The following CNTN4 variants were observed in gnomAD, a reference collection of about 807,000 sequenced individuals.
The protein encoded by CNTN4 is contactin 4, also known as contactin-4.
Under a neutral mutation model 122.5 loss-of-function variants are expected in CNTN4, and 77 were observed. The ratio of observed to expected loss-of-function variants is 0.63; its 90% confidence interval spans 0.52 to 0.76. CNTN4 has a LOEUF of 0.76. Among genes scored for constraint, CNTN4 ranks in the 30% least tolerant of loss-of-function variants. The pLI, the probability that CNTN4 is intolerant of heterozygous loss-of-function variation, is 0.00. For missense variants in CNTN4, 1,256 were observed against 1,259.1 expected (o/e 1.00, Z 0.04); for synonymous variants, 512 against 447.0 (o/e 1.15, Z -1.83).
intron 3 of CNTN4, among the ~76,000 whole-genome samples, chr3:2,408,836 A>G (rs1286355608): frequency 2.0e-5 from 3 of 152,176 alleles, no homozygotes; most frequent in African/African-American, 7.2e-5. Context: ...TTTTAGAACA[A>G]TCTTCTCATT....
intron 3 of CNTN4, among the ~76,000 whole-genome samples, chr3:2,494,355 AG>A (rs2076396933): frequency 6.6e-6 from 1 of 152,184 alleles, no homozygotes; most frequent in Non-Finnish European, 1.5e-5. Flanking sequence ...AGCATGTGGC[AG>A]GGGGCTTACA....
intron 3 of CNTN4, among the ~76,000 whole-genome samples, chr3:2,406,417 TTCTTCATCGTA>T (rs1559525040): frequency 6.6e-6 from 1 of 152,208 alleles, no homozygotes; most frequent in Non-Finnish European, 1.5e-5. Flanking sequence ...CTTAGCATCA[TTCTTCATCGTA>T]TCTTCATATC....
chr3:2,662,334 G>A (rs1350569710), intron 4 of CNTN4, among the ~76,000 whole-genome samples: 1 of 152,198 alleles, frequency 6.6e-6, no homozygotes, highest in African/African-American at 2.4e-5. Flanking sequence ...ATGGAGGAGA[G>A]TGGCAGCAAC....
At chr3:2,478,762 C>G (rs547371228) in intron 3 of CNTN4, among the ~76,000 whole-genome samples, 106 of 152,290 alleles carry the variant, frequency 7.0e-4, no homozygotes, top group African/African-American at 2.5e-3. Flanking sequence ...AGGACATGAT[C>G]TCATTCTTTT....
chr3:2,392,974 C>G (rs1487913662), intron 3 of CNTN4, among the ~76,000 whole-genome samples: 3 of 152,098 alleles, frequency 2.0e-5, no homozygotes, highest in Non-Finnish European at 2.9e-5. Context: ...AACAAAGTAC[C>G]ACAAACTGAG....
chr3:2,620,706 C>T (rs1288940504), intron 4 of CNTN4, among the ~76,000 whole-genome samples: 5 of 152,054 alleles, frequency 3.3e-5, no homozygotes, highest in South Asian at 2.1e-4. Context: ...TCCTTGTGTG[C>T]GGAATAAATC....
At chr3:2,634,930 T>G (rs1338822585) in intron 4 of CNTN4, among the ~76,000 whole-genome samples, 1 of 151,916 alleles carries the variant, frequency 6.6e-6, no homozygotes, top group African/African-American at 2.4e-5. Context: ...AAAAAAGAAA[T>G]CCAGTATTGG....
chr3:2,595,258 A>G (rs1002478386), intron 4 of CNTN4, among the ~76,000 whole-genome samples: 1 of 152,172 alleles, frequency 6.6e-6, no homozygotes, highest in African/African-American at 2.4e-5. Context: ...TGGTAAAATA[A>G]TTTGATATTG....
intron 3 of CNTN4, among the ~76,000 whole-genome samples, chr3:2,433,511 A>T (rs919856417): frequency 4.6e-5 from 7 of 152,020 alleles, no homozygotes; most frequent in Non-Finnish European, 8.8e-5. Context: ...AGTTTCATAT[A>T]TATTTTGGAT....
At position 2,925,689 on chromosome 3, in the gene CNTN4, G is replaced by A. The variant is rs1449896729; in HGVS notation, c.1268G>A (p.Gly423Asp). The change falls in exon 13 of 25, where the codon GGT becomes GAT. Residue 423 changes from glycine to aspartate, a missense_variant. By Grantham distance (94) the Gly-to-Asp change is moderately conservative. Transcript: ENST00000418658. Reference sequence around the variant, plus strand: ...AGAGTAACTCTTGTCAAAGTGGGAGGTGAAGTTGTCATTGAGTGTAAGCCA... The same window carrying A: ...AGAGTAACTCTTGTCAAAGTGGGAGATGAAGTTGTCATTGAGTGTAAGCCA... Reference protein sequence around the residue: ...LKRVTLVKVGGEVVIECKPKA... With the variant: ...LKRVTLVKVGDEVVIECKPKA... The A allele has an allele frequency of 1.2e-6, 2 of 1,613,966 alleles. No individual in the cohort carries two copies. Among genetic ancestry groups the A allele is most frequent in the Non-Finnish European group, 1.7e-6 (2 of 1,179,868 alleles).
At chr3:2,574,889 G>A (rs1237404067) in intron 4 of CNTN4, among the ~76,000 whole-genome samples, 2 of 151,762 alleles carry the variant, frequency 1.3e-5, no homozygotes, top group East Asian at 1.9e-4. Context: ...TTTCCATAAT[G>A]TTAATGAATA....
At chr3:3,009,200 G>C (rs887920356) in intron 14 of CNTN4, among the ~76,000 whole-genome samples, 6 of 152,136 alleles carry the variant, frequency 3.9e-5, no homozygotes, top group African/African-American at 1.4e-4. Context: ...TACTTTCCTC[G>C]GAGCATTGCA....
chr3:2,340,605 G>C (rs2044144921), intron 3 of CNTN4, among the ~76,000 whole-genome samples: 1 of 149,394 alleles, frequency 6.7e-6, no homozygotes, highest in Non-Finnish European at 1.5e-5. Flanking sequence ...ACTTGGGCCT[G>C]GGAGGTCAAG....
At chr3:2,968,226 A>G (rs548524119) in intron 13 of CNTN4, among the ~76,000 whole-genome samples, 2 of 152,348 alleles carry the variant, frequency 1.3e-5, no homozygotes, top group African/African-American at 4.8e-5. Flanking sequence ...GAAGTTGATT[A>G]CAATGTGCTT....
chr3:3,030,152 G>C lies in CNTN4; in HGVS notation c.1663-703G>C, dbSNP rs140241294. On this transcript the variant is annotated intron_variant, in intron 15 of 24. Transcript: ENST00000418658. ...GTTCTTCAGGTAAAGTGCTGCCTTT[G>C]TGATAGCCTGTGGAATCATCTCCTC... 8.8e-3 allele frequency among the ~76,000 whole-genome samples: 1,346 copies of C among 152,256 alleles called. 20 individuals carry two copies. The highest frequency in any genetic ancestry group is 0.031 in the African/African-American group (1,305 of 41,538).
chr3:2,763,792 A>G (rs1197546557), intron 6 of CNTN4, among the ~76,000 whole-genome samples: 4 of 152,096 alleles, frequency 2.6e-5, no homozygotes, highest in Non-Finnish European at 5.9e-5. Flanking sequence ...AGATCGTTGC[A>G]GGTGTGCAGT....
At chr3:2,347,914 C>T (rs796335073) in intron 3 of CNTN4, among the ~76,000 whole-genome samples, 13 of 150,756 alleles carry the variant, frequency 8.6e-5, no homozygotes, top group African/African-American at 1.5e-4. Flanking sequence ...ATTTGTAATT[C>T]CTTTACATAC....
chr3:2,253,751 C>G (rs1485094257), intron 2 of CNTN4, among the ~76,000 whole-genome samples: 1 of 152,054 alleles, frequency 6.6e-6, no homozygotes, highest in African/African-American at 2.4e-5. Context: ...GATCTATCCT[C>G]CCGCCTCAGC....
At chr3:2,359,370 C>G (rs1011203002) in intron 3 of CNTN4, among the ~76,000 whole-genome samples, 2 of 152,048 alleles carry the variant, frequency 1.3e-5, no homozygotes, top group African/African-American at 4.8e-5. Flanking sequence ...TTAGGAGTTC[C>G]TATCTGGAAT....
Sources: gnomAD v4.1 joint callset for allele counts (sites outside exome capture counted in the v4.1 genomes callset) on GRCh38, gnomAD v4.1.1 for gene constraint, MANE v1.5 for transcripts, NCBI Gene and HGNC (gene_info 2026-07-23, HGNC 2026-07-21) for gene names.